The following PTOV1 variants were observed in gnomAD, a reference collection of about 807,000 sequenced individuals.
PTOV1 encodes the protein prostate tumor-overexpressed gene 1 protein.
Under a neutral mutation model 58.0 loss-of-function variants are expected in PTOV1, and 20 were observed. The observed-to-expected ratio is 0.34, with a 90% CI of 0.24 to 0.50. The LOEUF is 0.50. Among genes scored for constraint, PTOV1 ranks in the 20% least tolerant of loss-of-function variants. PTOV1 has a pLI of 0.98. For synonymous variants in PTOV1, 335 were observed against 234.2 expected, an observed-to-expected ratio of 1.43 and a Z score of -3.93; for missense variants, 593 against 565.4, an observed-to-expected ratio of 1.05 and a Z score of -0.50.
chr19:49,859,861 G>T, intron 10 of PTOV1, 125 bp from the exon 11 acceptor site: 1 of 1,022,872 alleles, frequency 9.8e-7, no homozygotes, highest in South Asian at 1.5e-5. Context: ...CAGGGTGGGT[G>T]GGGGGTGTGA....
intron 1 of PTOV1, 197 bp downstream of exon 1, chr19:49,851,696 G>C (rs1016911776): frequency 3.5e-6 from 4 of 1,156,268 alleles, no homozygotes; most frequent in Non-Finnish European, 4.3e-6. Context: ...TTGCGCGTTC[G>C]GGCCGGGGTG....
Position 49,858,540 on chromosome 19 carries a change from T to TC in PTOV1, c.937-5dup, listed in dbSNP as rs772136745. ...AGCCAGAGCTGGGGGTCCCCTCGCT[T>TC]CCCCGCAGACCACCCTAGTGCCGCT... On this transcript the variant is annotated splice_polypyrimidine_tract_variant and intron_variant, in intron 9 of 11. Coordinates refer to ENST00000391842, the Ensembl canonical transcript of PTOV1. 9.4e-5 allele frequency: 149 copies of TC among 1,586,100 alleles called. No individual in the cohort carries two copies. Among genetic ancestry groups the TC allele is most frequent in the Non-Finnish European group, 1.3e-4 (146 of 1,165,060 alleles).
chr19:49,859,670 C>G (rs958710582), intron 10 of PTOV1, among the ~76,000 whole-genome samples: 3 of 152,210 alleles, frequency 2.0e-5, no homozygotes, highest in Non-Finnish European at 4.4e-5. Flanking sequence ...CCCTCGGGCT[C>G]CTGAGTTGAA....
rs759954073 is a variant in PTOV1 at position 49,858,034 on chromosome 19, C to T, written c.879-23C>T. The T allele has an allele frequency of 1.4e-5, 22 of 1,613,744 alleles. No individual in the cohort carries two copies. The Admixed American group carries it at 3.3e-4, about 24-fold the overall frequency. ...TCCAGGGGAGCTGGGGCTTCCTGAC[C>T]CTCGTCCCTTTGTGCCCCACAGGAG... On this transcript the variant is annotated intron_variant, in intron 8 of 11. Coordinates refer to ENST00000391842, the Ensembl canonical transcript of PTOV1.
In PTOV1 at chr19:49,858,033, C is replaced by G. The variant is rs771181635; in HGVS notation, c.879-24C>G. The stretch of plus-strand genomic sequence containing the variant: ...ATCCAGGGGAGCTGGGGCTTCCTGA[C>G]CCTCGTCCCTTTGTGCCCCACAGGA... On this transcript the variant is annotated intron_variant, in intron 8 of 11. Coordinates refer to ENST00000391842, the Ensembl canonical transcript of PTOV1. 4.3e-6 allele frequency: 7 copies of G among 1,613,796 alleles called. No individual in the cohort carries two copies. The South Asian group carries it at 6.6e-5, about 15-fold the overall frequency.
chr19:49,851,748 T>C, intron 1 of PTOV1: 1 of 1,091,608 alleles, frequency 9.2e-7, no homozygotes, highest in Non-Finnish European at 1.1e-6. Context: ...ATATTACTGC[T>C]GACTCCGCGG....
At chr19:49,859,887 G>C in intron 10 of PTOV1, 99 bp from the exon 11 acceptor site, 1 of 1,308,124 alleles carries the variant, frequency 7.6e-7, no homozygotes, top group South Asian at 1.2e-5. Flanking sequence ...GAGCAGTTAG[G>C]CTGTGCCTGG....
chr19:49,858,174 C>A, intron 9 of PTOV1, 60 bp downstream of exon 9: 1 of 1,579,754 alleles, frequency 6.3e-7, no homozygotes, highest in Non-Finnish European at 8.6e-7. Context: ...GAGGGCGGGG[C>A]TGGGGGCAAG....
At position 49,854,742 on chromosome 19, in the gene PTOV1, C is replaced by T; in HGVS notation, c.392+8C>T. On this transcript the variant is annotated splice_region_variant and intron_variant, in intron 3 of 11. Coordinates refer to ENST00000391842, the Ensembl canonical transcript of PTOV1. ...GAACCAAGGCGAGAACCTGTGAGTGCCGGGGCGTGGCAGCCAGGGCGGTGG... is the reference window on the plus strand; with the variant it reads ...GAACCAAGGCGAGAACCTGTGAGTGTCGGGGCGTGGCAGCCAGGGCGGTGG... 1 of 1,613,376 alleles carries T rather than the reference C, an allele frequency of 6.2e-7. No homozygotes were observed. Among genetic ancestry groups the T allele is most frequent in the Non-Finnish European group, 8.5e-7 (1 of 1,179,956 alleles).
At chr19:49,858,734 G>C (rs2074598081) in intron 10 of PTOV1, 81 bp downstream of exon 10, 1 of 1,182,698 alleles carries the variant, frequency 8.5e-7, no homozygotes, top group Non-Finnish European at 1.2e-6. Flanking sequence ...GGACATGGGA[G>C]AGGAACAGAG....
chr19:49,856,165 C>T (rs2074454652), intron 5 of PTOV1: 1 of 152,298 alleles, frequency 6.6e-6, no homozygotes, highest in East Asian at 1.9e-4. Context: ...CTTCACCCAG[C>T]ACCGTTTGTT....
rs760759281 is a variant in PTOV1 at position 49,856,966 on chromosome 19, C to T, written c.559-9C>T. 13 of 1,612,076 alleles carry T rather than the reference C, an allele frequency of 8.1e-6. No homozygotes were observed. The highest frequency in any genetic ancestry group is 5.5e-5 in the South Asian group (5 of 90,992). ...GTGACCACAGGGTCCTGACCCGCGG[C>T]CCCCGCAGGCGGGCTGCATGCTGTT... is the stretch of plus-strand genomic sequence containing the variant. On this transcript the variant is annotated splice_polypyrimidine_tract_variant and intron_variant, in intron 5 of 11. Coordinates refer to ENST00000391842, the Ensembl canonical transcript of PTOV1.
chr19:49,857,492 C>T (rs994642241), intron 6 of PTOV1: 33 of 634,178 alleles, frequency 5.2e-5, no homozygotes, highest in African/African-American at 2.2e-4. Flanking sequence ...AGGTGAGGGC[C>T]GGGACCTGTC....
At chr19:49,855,134 G>T in intron 5 of PTOV1, 57 bp downstream of exon 5, 1 of 1,482,702 alleles carries the variant, frequency 6.7e-7, no homozygotes. Flanking sequence ...TGGAGGCAGC[G>T]CTCTGCTCAC....
intron 6 of PTOV1, 190 bp downstream of exon 6, chr19:49,857,320 G>T: frequency 1.3e-6 from 1 of 797,088 alleles, no homozygotes; most frequent in East Asian, 2.7e-5. Flanking sequence ...GGGCGGCTCT[G>T]CAGGGCTGGA....
At chr19:49,851,714 G>A (rs2074256659) in intron 1 of PTOV1, 3 of 1,144,100 alleles carry the variant, frequency 2.6e-6, no homozygotes, top group South Asian at 4.4e-5. Context: ...GTGGGGGGTT[G>A]GGGGACGGGG....
At chr19:49,856,641 G>A (rs2074480600) in intron 5 of PTOV1, 1 of 332,046 alleles carries the variant, frequency 3.0e-6, no homozygotes, top group South Asian at 4.0e-5. Flanking sequence ...GGCGCTGCCT[G>A]TGCTCTTAAC....
At chr19:49,858,329 G>A (rs571440426) in intron 9 of PTOV1, 1 of 721,978 alleles carries the variant, frequency 1.4e-6, no homozygotes, top group South Asian at 1.8e-5. Flanking sequence ...GCGGGGCAGG[G>A]GCAGCCACGA....
chr19:49,857,964 C>G (rs771524395), exon 8 of PTOV1: 3 of 1,613,670 alleles, frequency 1.9e-6, no homozygotes, highest in Non-Finnish European at 8.5e-7. Flanking sequence ...CTACGTGAAC[C>G]AGGGGGAGAT....
Sources: allele counts gnomAD v4.1 joint callset (sites outside exome capture counted in the v4.1 genomes callset), GRCh38; gene constraint gnomAD v4.1.1; transcripts MANE v1.5; gene names NCBI Gene and HGNC (gene_info 2026-07-23, HGNC 2026-07-21).